Variants in OCA2 observed in about 807,000 individuals in gnomAD.
The protein encoded by OCA2 is P protein.
Under a neutral mutation model 100.2 loss-of-function variants are expected in OCA2, and 77 were observed. The ratio of observed to expected loss-of-function variants is 0.77; its 90% CI spans 0.64 to 0.93. The LOEUF is 0.93. OCA2 is among the 40% of genes least tolerant of loss of function. The pLI is 0.00. For synonymous variants in OCA2, 432 were observed against 439.2 expected, an observed-to-expected ratio of 0.98 and a Z score of 0.21; for missense variants, 1,062 against 1,089.1, an observed-to-expected ratio of 0.98 and a Z score of 0.35.
At chr15:27,859,405 C>CA (rs567983338) in intron 21 of OCA2, among the ~76,000 whole-genome samples, 155 of 152,138 alleles carry the variant, frequency 1.0e-3, no homozygotes, top group African/African-American at 3.6e-3. Context: ...TACATGCCAA[C>CA]AAATTGTGTT....
chr15:27,793,134 AATGCAGCCACAG>A (rs1393252902), intron 23 of OCA2, among the ~76,000 whole-genome samples: 3 of 152,240 alleles, frequency 2.0e-5, no homozygotes, highest in Non-Finnish European at 4.4e-5. Context: ...TTGAGTGACC[AATGCAGCCACAG>A]ATCAATGGGG....
chr15:27,886,004 G>A (rs900911031), intron 19 of OCA2, among the ~76,000 whole-genome samples: 11 of 152,308 alleles, frequency 7.2e-5, no homozygotes, highest in South Asian at 2.1e-4. Flanking sequence ...AACTCCTTCC[G>A]CAGGGCCAGG....
At position 27,795,075 on chromosome 15, in the gene OCA2, G is replaced by C. The variant is rs17746918; in HGVS notation, c.2433-39603C>G. ...GTTAATCACCGAGTGGCTTACGTTC[G>C]TTCCATTCCAGGAGTGATTGTACCC... On this transcript the variant is annotated intron_variant, in intron 23 of 23. Transcript: ENST00000354638. Among the ~76,000 whole-genome samples, 33 of 152,030 alleles carry C rather than the reference G, an allele frequency of 2.2e-4. No homozygotes were observed. The East Asian group carries it at 5.3e-3, about 24-fold the overall frequency.
chr15:27,981,541 G>A (rs2041160928), intron 14 of OCA2, among the ~76,000 whole-genome samples: 1 of 152,210 alleles, frequency 6.6e-6, no homozygotes, highest in Non-Finnish European at 1.5e-5. Flanking sequence ...GCAGAGCAGT[G>A]TTCAGTTTAT....
At chr15:27,814,841 C>A (rs1273894595) in intron 23 of OCA2, among the ~76,000 whole-genome samples, 1 of 151,802 alleles carries the variant, frequency 6.6e-6, no homozygotes, top group South Asian at 2.1e-4. Context: ...CAAGATTGTG[C>A]CGCTACACTC....
chr15:27,817,415 T>G (rs2034343253), intron 23 of OCA2, among the ~76,000 whole-genome samples: 1 of 152,216 alleles, frequency 6.6e-6, no homozygotes, highest in African/African-American at 2.4e-5. Flanking sequence ...AAATAACAAC[T>G]TGAACATTAT....
intron 2 of OCA2, among the ~76,000 whole-genome samples, chr15:28,059,708 A>AC (rs138170936): frequency 0.097 from 14,822 of 152,188 alleles, 870 homozygotes; most frequent in African/African-American, 0.16. Flanking sequence ...CATTTTATTG[A>AC]CCCAAAAAGG....
chr15:27,814,214 TA>T (rs139647229), intron 23 of OCA2, among the ~76,000 whole-genome samples: 7 of 151,550 alleles, frequency 4.6e-5, no homozygotes, highest in East Asian at 2.0e-4. Context: ...TTTTTTTAAT[TA>T]AAAAAAACAA....
intron 18 of OCA2, among the ~76,000 whole-genome samples, chr15:27,930,639 G>A: frequency 9.5e-6 from 1 of 105,538 alleles, no homozygotes; most frequent in African/African-American, 2.6e-5. Flanking sequence ...ACTCTTTTAT[G>A]GAAAAGCTTG....
intron 19 of OCA2, among the ~76,000 whole-genome samples, chr15:27,891,230 G>A (rs1423506186): frequency 6.6e-6 from 1 of 152,240 alleles, no homozygotes; most frequent in Non-Finnish European, 1.5e-5. Context: ...CACTCAAAGT[G>A]GTAATTCTAA....
chr15:27,950,086 C>A (rs1053337501), intron 18 of OCA2, among the ~76,000 whole-genome samples: 28 of 152,066 alleles, frequency 1.8e-4, no homozygotes, highest in African/African-American at 6.5e-4. Flanking sequence ...TTTTTTAAGT[C>A]CATATAGTTA....
chr15:28,002,699 C>A (rs1237871387), intron 9 of OCA2, among the ~76,000 whole-genome samples: 1 of 152,166 alleles, frequency 6.6e-6, no homozygotes, highest in Non-Finnish European at 1.5e-5. Context: ...GGGAGCCTCA[C>A]AGGGCTGCGT....
intron 14 of OCA2, among the ~76,000 whole-genome samples, chr15:27,982,059 GGTTTATT>G (rs201322303): frequency 1.3e-4 from 18 of 141,260 alleles, no homozygotes; most frequent in Non-Finnish European, 2.5e-4. Flanking sequence ...GTCTGGTTTT[GGTTTATT>G]TTTGTTTTGT....
rs542646723 is a variant in OCA2 at position 27,841,032 on chromosome 15, T to A, written c.2432+3927A>T. 2.4e-4 allele frequency among the ~76,000 whole-genome samples: 36 copies of A among 152,326 alleles called. 1 individual carries two copies. In the South Asian group the frequency reaches 6.8e-3, roughly 29 times the overall value. ...CTGGGAGAAAATGTCCTATCTGCTTTATTCGTAAGAGCCCCAAACTGGAAA... is the reference window on the plus strand; with the variant it reads ...CTGGGAGAAAATGTCCTATCTGCTTAATTCGTAAGAGCCCCAAACTGGAAA... On this transcript the variant is annotated intron_variant, in intron 23 of 23. Transcript: ENST00000354638.
chr15:27,726,883 G>A, the OCA2 span, among the ~76,000 whole-genome samples: 1 of 152,224 alleles, frequency 6.6e-6, no homozygotes, highest in Admixed American at 6.5e-5. Context: ...TACATGCAGG[G>A]GAACCTGAAT....
chr15:27,794,064 G>A (rs2033213044), intron 23 of OCA2, among the ~76,000 whole-genome samples: 2 of 152,182 alleles, frequency 1.3e-5, no homozygotes, highest in South Asian at 4.1e-4. Flanking sequence ...TTCTTAGTAA[G>A]TCACATTCAA....
intron 22 of OCA2, among the ~76,000 whole-genome samples, chr15:27,845,367 C>T (rs1186961663): frequency 6.6e-6 from 1 of 152,060 alleles, no homozygotes; most frequent in Non-Finnish European, 1.5e-5. Flanking sequence ...ACAAGTGGGG[C>T]CAACAACCAA....
chr15:27,726,594 T>C, the OCA2 span, among the ~76,000 whole-genome samples: 1 of 151,940 alleles, frequency 6.6e-6, no homozygotes, highest in African/African-American at 2.4e-5. Flanking sequence ...TGTGATGGGG[T>C]TGGGACAGCG....
intron 2 of OCA2, among the ~76,000 whole-genome samples, chr15:28,035,743 T>C (rs113450676): frequency 0.013 from 1,929 of 151,496 alleles, 38 homozygotes; most frequent in African/African-American, 0.044. Context: ...CATGTCTCAA[T>C]AAACTCTGTA....
Sources: gnomAD v4.1 joint callset for allele counts (sites outside exome capture counted in the v4.1 genomes callset) on GRCh38, gnomAD v4.1.1 for gene constraint, MANE v1.5 for transcripts, NCBI Gene and HGNC (gene_info 2026-07-23, HGNC 2026-07-21) for gene names.